Variants in SF3B3 observed in about 807,000 individuals in gnomAD.
SF3B3 encodes the protein SAP 130.
SF3B3 carries 33 observed loss-of-function variants against 139.2 expected under a neutral mutation model. That is an observed-to-expected ratio of 0.24 (90% CI 0.18 to 0.32). The LOEUF (loss-of-function observed/expected upper bound fraction) is 0.32, where lower values mean the gene tolerates loss of function less well. Among genes scored for constraint, SF3B3 ranks in the 10% least tolerant of loss-of-function variants. The probability of loss-of-function intolerance (pLI) is 1.00; values close to 1 mark genes in which losing one functional copy is unlikely to be tolerated. For synonymous variants in SF3B3, 596 were observed against 563.6 expected, an observed-to-expected ratio of 1.06 and a Z score of -0.81; for missense variants, 818 against 1,509.4, an observed-to-expected ratio of 0.54 and a Z score of 7.59.
At chr16:70,533,453 A>G (rs2050139849) in intron 5 of SF3B3, among the ~76,000 whole-genome samples, 1 of 152,234 alleles carries the variant, frequency 6.6e-6, no homozygotes, top group African/African-American at 2.4e-5. Context: ...GACAGTAACA[A>G]AAAAAATTTG....
chr16:70,555,269 G>A lies in SF3B3; in HGVS notation c.1710+63G>A, dbSNP rs1271512606. 9 of 1,428,382 alleles carry A rather than the reference G, an allele frequency of 6.3e-6. No individual in the cohort carries two copies. The African/African-American group carries it at 1.1e-4, about 18-fold the overall frequency. The allele number at this position is 1,428,382 out of a possible 1,614,324, so 88.5% of individuals were successfully genotyped here. On this transcript the variant is annotated intron_variant, in intron 13 of 25. Coordinates refer to ENST00000302516, the MANE Select transcript of SF3B3 (RefSeq NM_012426.5). Reference sequence around the variant, plus strand: ...GGGACCAGAGGGAAAGATGGGCATTGTAGTCTAGTCATTTAGATGATAGTA... The same window carrying A: ...GGGACCAGAGGGAAAGATGGGCATTATAGTCTAGTCATTTAGATGATAGTA...
chr16:70,563,759 A>T, intron 17 of SF3B3, 117 bp from the exon 18 acceptor site: 1 of 924,118 alleles, frequency 1.1e-6, no homozygotes. Flanking sequence ...AATGTTGCCT[A>T]ATGCCAACGT....
intron 10 of SF3B3, among the ~76,000 whole-genome samples, chr16:70,546,124 G>A (rs955574999): frequency 6.6e-6 from 1 of 152,100 alleles, no homozygotes; most frequent in Non-Finnish European, 1.5e-5. Context: ...GCGCCATCAC[G>A]CTTGGCTAAT....
At position 70,529,204 on chromosome 16, in the gene SF3B3, GTGATT is replaced by G. The variant is rs765923378; in HGVS notation, c.397+7_397+11del. On this transcript the variant is annotated splice_donor_region_variant and intron_variant, in intron 3 of 25. Transcript: ENST00000302516. ...AAGGGCGAGCCGTTATGATTAGTAAGTGATTTACTCTACTTGCTGTATATGCCTAG... is the reference window on the plus strand; with the variant it reads ...AAGGGCGAGCCGTTATGATTAGTAAGTACTCTACTTGCTGTATATGCCTAG... 1.2e-6 allele frequency: 2 copies of G among 1,610,094 alleles called. No homozygotes were observed. Among genetic ancestry groups the G allele is most frequent in the South Asian group, 2.2e-5 (2 of 90,818 alleles).
intron 14 of SF3B3, 103 bp downstream of exon 14, chr16:70,556,437 C>G: frequency 5.2e-6 from 7 of 1,343,964 alleles, no homozygotes; most frequent in Non-Finnish European, 7.4e-6. Flanking sequence ...TCTCTGAGAT[C>G]AGCTGGGTTA....
At chr16:70,535,579 G>A (rs770466870) in intron 6 of SF3B3, among the ~76,000 whole-genome samples, 159 bp downstream of exon 6, 1 of 152,186 alleles carries the variant, frequency 6.6e-6, no homozygotes, top group Non-Finnish European at 1.5e-5. Context: ...TAAAGCTGGT[G>A]AAATATTTTA....
At chr16:70,532,424 T>C (rs1315495116) in intron 4 of SF3B3, 55 bp from the exon 5 acceptor site, 3 of 1,563,518 alleles carry the variant, frequency 1.9e-6, no homozygotes, top group Non-Finnish European at 2.6e-6. Flanking sequence ...TGATGTCCTT[T>C]CCAGATCTTC....
intron 7 of SF3B3, 144 bp downstream of exon 7, chr16:70,538,604 T>C (rs1296279497): frequency 1.5e-6 from 1 of 660,656 alleles, no homozygotes; most frequent in East Asian, 2.7e-5. Flanking sequence ...TTCTCTCTGG[T>C]TATCAGATTT....
Position 70,576,436 on chromosome 16 carries a change from C to T in SF3B3, c.*4623C>T, listed in dbSNP as rs756566908. On this transcript the variant is annotated 3_prime_UTR_variant, in exon 26 of 26. Coordinates refer to ENST00000302516, the MANE Select transcript of SF3B3 (RefSeq NM_012426.5). ...TCCCAGGTCCACTCAGCAGAACTTG[C>T]TCCCTTCTCTGACTGCAGTCTCATA... is the stretch of plus-strand genomic sequence containing the variant. 3 of 152,104 alleles carry T rather than the reference C, an allele frequency of 2.0e-5. No homozygotes were observed. Among genetic ancestry groups the T allele is most frequent in the Non-Finnish European group, 2.9e-5 (2 of 68,036 alleles). The allele number at this position is 152,104 out of a possible 1,614,324, so 9.4% of individuals were successfully genotyped here.
chr16:70,556,103 A>G, intron 13 of SF3B3, 76 bp from the exon 14 acceptor site: 2 of 1,461,772 alleles, frequency 1.4e-6, no homozygotes, highest in Non-Finnish European at 1.9e-6. Context: ...CTCTGGATCC[A>G]GGGTTTTGGG....
chr16:70,529,276 C>T (rs2050097787), intron 3 of SF3B3, 77 bp downstream of exon 3: 11 of 1,155,574 alleles, frequency 9.5e-6, no homozygotes, highest in African/African-American at 1.5e-5. Context: ...GTGCCAGTGC[C>T]AATTAATTAC....
At chr16:70,565,001 C>A (rs1293606668) in intron 18 of SF3B3, 64 bp from the exon 19 acceptor site, 2 of 1,491,634 alleles carry the variant, frequency 1.3e-6, no homozygotes, top group Non-Finnish European at 9.3e-7. Context: ...TGCTACCTAT[C>A]CTCTTCTCAG....
At chr16:70,550,895 TA>T (rs1277046057) in intron 11 of SF3B3, among the ~76,000 whole-genome samples, 3 of 152,200 alleles carry the variant, frequency 2.0e-5, no homozygotes, top group African/African-American at 7.2e-5. Context: ...GAATTTGTCA[TA>T]TATGGTTAAT....
At chr16:70,542,279 G>T (rs958496671) in intron 9 of SF3B3, among the ~76,000 whole-genome samples, 1 of 152,174 alleles carries the variant, frequency 6.6e-6, no homozygotes, top group Non-Finnish European at 1.5e-5. Context: ...GTATTCTGTG[G>T]TTGACCTCTT....
chr16:70,541,607 C>T (rs1436261926), intron 8 of SF3B3, 62 bp from the exon 9 acceptor site: 2 of 1,367,008 alleles, frequency 1.5e-6, no homozygotes, highest in African/African-American at 2.9e-5. Flanking sequence ...ATGTTGATGC[C>T]AGACATTATC....
chr16:70,529,217 C>G lies in SF3B3; in HGVS notation c.397+18C>G, dbSNP rs756101789. The G allele has an allele frequency of 3.1e-6, 5 of 1,596,386 alleles. No individual in the cohort carries two copies. Among genetic ancestry groups the G allele is most frequent in the Non-Finnish European group, 3.4e-6 (4 of 1,166,276 alleles). ...TATGATTAGTAAGTGATTTACTCTACTTGCTGTATATGCCTAGTTTAGGAT... is the reference window on the plus strand; with the variant it reads ...TATGATTAGTAAGTGATTTACTCTAGTTGCTGTATATGCCTAGTTTAGGAT... On this transcript the variant is annotated intron_variant, in intron 3 of 25. Transcript: ENST00000302516.
In SF3B3 at chr16:70,577,108, A is replaced by G. The variant is rs1156306668; in HGVS notation, c.*5295A>G. 2 of 152,340 alleles carry G rather than the reference A, an allele frequency of 1.3e-5. No homozygotes were observed. The highest frequency in any genetic ancestry group is 3.8e-4 in the East Asian group (2 of 5,208). 9.4% of individuals were successfully genotyped at this position (152,340 alleles called of 1,614,324 possible). On this transcript the variant is annotated 3_prime_UTR_variant, in exon 26 of 26. Coordinates refer to ENST00000302516, the MANE Select transcript of SF3B3 (RefSeq NM_012426.5). ...GCGCCACTACACTCCAGCCTGGATG[A>G]CAGGACGAAACCTGTCTCAAAAACA...
At chr16:70,538,705 G>A (rs2050190932) in intron 7 of SF3B3, among the ~76,000 whole-genome samples, 1 of 152,198 alleles carries the variant, frequency 6.6e-6, no homozygotes, top group Non-Finnish European at 1.5e-5. Flanking sequence ...TATTTTTGGT[G>A]TGAAGAAGAT....
chr16:70,562,830 T>A (rs1409253759), intron 17 of SF3B3, among the ~76,000 whole-genome samples: 2 of 152,100 alleles, frequency 1.3e-5, no homozygotes, highest in African/African-American at 4.8e-5. Context: ...TTATTTTTAT[T>A]TTTAAGTTTT....
Sources: gnomAD v4.1 joint callset for allele counts (sites outside exome capture counted in the v4.1 genomes callset) on GRCh38, gnomAD v4.1.1 for gene constraint, MANE v1.5 for transcripts, NCBI Gene and HGNC (gene_info 2026-07-23, HGNC 2026-07-21) for gene names.